Variants in ROBO2 observed in about 807,000 individuals in gnomAD.
The protein encoded by ROBO2 is roundabout guidance receptor 2.
Under a neutral mutation model 160.8 loss-of-function variants are expected in ROBO2, and 53 were observed. The ratio of observed to expected loss-of-function variants is 0.33; its 90% CI spans 0.26 to 0.41. The LOEUF (loss-of-function observed/expected upper bound fraction) is 0.41. Among genes scored for constraint, ROBO2 ranks in the 10% least tolerant of loss-of-function variants. The pLI is 1.00. For synonymous variants in ROBO2, 664 were observed against 611.7 expected (o/e 1.09, Z -1.26); for missense variants, 1,577 against 1,722.4 (o/e 0.92, Z 1.49).
intron 2 of ROBO2, among the ~76,000 whole-genome samples, chr3:76,299,125 T>C (rs1389575900): frequency 6.6e-6 from 1 of 152,194 alleles, no homozygotes; most frequent in African/African-American, 2.4e-5. Context: ...GGAGCTCACA[T>C]TGTATTCGGA....
intron 2 of ROBO2, among the ~76,000 whole-genome samples, chr3:77,211,399 G>A (rs1250687337): frequency 1.3e-5 from 2 of 152,164 alleles, no homozygotes; most frequent in Admixed American, 1.3e-4. Flanking sequence ...TTTGAGAAGT[G>A]TCTCTTCATA....
At chr3:76,640,526 TCC>T (rs1033865130) in intron 2 of ROBO2, among the ~76,000 whole-genome samples, 45 of 132,092 alleles carry the variant, frequency 3.4e-4, no homozygotes, top group African/African-American at 1.2e-3. Flanking sequence ...CGAGTGAAGC[TCC>T]GTCTCAAAAA....
chr3:77,166,913 T>C (rs2079149633), intron 2 of ROBO2, among the ~76,000 whole-genome samples: 1 of 152,226 alleles, frequency 6.6e-6, no homozygotes, highest in South Asian at 2.1e-4. Flanking sequence ...AGATGCCTCA[T>C]ACATATTTAT....
intron 2 of ROBO2, among the ~76,000 whole-genome samples, chr3:77,148,214 C>A (rs148809086): frequency 3.9e-5 from 6 of 152,330 alleles, no homozygotes; most frequent in African/African-American, 1.4e-4. Flanking sequence ...ACTCCTTAAG[C>A]CCCGTGGCAA....
chr3:77,255,775 C>T (rs2058366682), intron 2 of ROBO2, among the ~76,000 whole-genome samples: 1 of 152,126 alleles, frequency 6.6e-6, no homozygotes, highest in Non-Finnish European at 1.5e-5. Context: ...CCTAAATATC[C>T]AATGCAGTTT....
At chr3:76,394,608 C>T (rs1010213824) in intron 2 of ROBO2, among the ~76,000 whole-genome samples, 1 of 152,000 alleles carries the variant, frequency 6.6e-6, no homozygotes, top group Admixed American at 6.6e-5. Flanking sequence ...CTTGGAGTTG[C>T]TCTTCTCGAG....
intron 2 of ROBO2, among the ~76,000 whole-genome samples, chr3:76,966,578 G>C (rs2149262131): frequency 6.6e-6 from 1 of 152,270 alleles, no homozygotes; most frequent in African/African-American, 2.4e-5. Flanking sequence ...TAACTTAATG[G>C]GATGATAAGA....
chr3:76,596,168 A>C (rs748317805), intron 2 of ROBO2, among the ~76,000 whole-genome samples: 28 of 152,172 alleles, frequency 1.8e-4, no homozygotes, highest in Non-Finnish European at 3.5e-4. Context: ...GAGAATAAGT[A>C]CCAAAAAACT....
At chr3:76,082,904 G>C (rs1344988022) in intron 2 of ROBO2, among the ~76,000 whole-genome samples, 1 of 151,976 alleles carries the variant, frequency 6.6e-6, no homozygotes, top group Non-Finnish European at 1.5e-5. Context: ...TGAAGACCCG[G>C]ACCAAGGCGA....
At chr3:76,712,961 A>C (rs908810842) in intron 2 of ROBO2, among the ~76,000 whole-genome samples, 13 of 152,162 alleles carry the variant, frequency 8.5e-5, no homozygotes, top group African/African-American at 3.1e-4. Context: ...TTATTTTCTG[A>C]GTTTCACAAG....
At chr3:76,818,407 A>ATG (rs1270457419) in intron 2 of ROBO2, among the ~76,000 whole-genome samples, 1 of 151,502 alleles carries the variant, frequency 6.6e-6, no homozygotes, top group Non-Finnish European at 1.5e-5. Flanking sequence ...CCTTTGTTGG[A>ATG]TGTATAGACT....
At chr3:76,000,557 C>T (rs763759899) in intron 2 of ROBO2, among the ~76,000 whole-genome samples, 141 of 146,556 alleles carry the variant, frequency 9.6e-4, no homozygotes, top group Admixed American at 4.0e-3. Flanking sequence ...GGTGTGATCT[C>T]GGCTCACTGC....
chr3:76,366,120 C>A (rs1482167772), intron 2 of ROBO2, among the ~76,000 whole-genome samples: 1 of 151,954 alleles, frequency 6.6e-6, no homozygotes, highest in African/African-American at 2.4e-5. Context: ...TTGTTCCTTA[C>A]TATTTCCTTA....
intron 2 of ROBO2, among the ~76,000 whole-genome samples, chr3:76,801,891 T>C (rs2064228518): frequency 6.6e-6 from 1 of 152,156 alleles, no homozygotes; most frequent in African/African-American, 2.4e-5. Flanking sequence ...TGTAGGGTTA[T>C]TAATTAGCTT....
At chr3:76,049,272 A>G (rs892460904) in intron 2 of ROBO2, among the ~76,000 whole-genome samples, 8 of 151,282 alleles carry the variant, frequency 5.3e-5, no homozygotes, top group African/African-American at 1.9e-4. Flanking sequence ...CAGTGGTGTG[A>G]CCACAGCTCA....
intron 2 of ROBO2, among the ~76,000 whole-genome samples, chr3:77,284,225 C>A (rs944190022): frequency 2.6e-5 from 4 of 152,084 alleles, no homozygotes. Flanking sequence ...GCTTACCAAG[C>A]CCTAAGTGAG....
intron 2 of ROBO2, among the ~76,000 whole-genome samples, chr3:77,462,310 G>A (rs192007291): frequency 1.4e-4 from 21 of 152,128 alleles, no homozygotes; most frequent in African/African-American, 2.9e-4. Context: ...TGCCTAGCTC[G>A]CAATAGGCCT....
At chr3:77,514,196 C>A (rs2089742110) in intron 5 of ROBO2, among the ~76,000 whole-genome samples, 1 of 151,508 alleles carries the variant, frequency 6.6e-6, no homozygotes, top group Non-Finnish European at 1.5e-5. Flanking sequence ...AAATAAACTC[C>A]ACTTATTGAA....
At chr3:76,662,388 G>A (rs1486687540) in intron 2 of ROBO2, among the ~76,000 whole-genome samples, 6 of 151,970 alleles carry the variant, frequency 3.9e-5, no homozygotes, top group Non-Finnish European at 8.8e-5. Flanking sequence ...GGGTACATAT[G>A]ATATTTTGAT....
Sources: allele counts gnomAD v4.1 joint callset (sites outside exome capture counted in the v4.1 genomes callset), GRCh38; gene constraint gnomAD v4.1.1; transcripts MANE v1.5; gene names NCBI Gene and HGNC (gene_info 2026-07-23, HGNC 2026-07-21).